The following SLAMF6 variants were observed in gnomAD, a reference collection of about 807,000 sequenced individuals.
SLAMF6 encodes SLAM family member 6, also known as NK-T-B-antigen.
Under a neutral mutation model 38.3 loss-of-function variants are expected in SLAMF6, and 21 were observed. That is an observed-to-expected ratio of 0.55 (90% confidence interval 0.39 to 0.79). The LOEUF is 0.79. Ranked by LOEUF, SLAMF6 falls within the 30% of genes least tolerant of loss-of-function variation. The probability of loss-of-function intolerance (pLI) is 0.00; values close to 1 mark genes in which losing one functional copy is unlikely to be tolerated. For missense variants in SLAMF6, 341 were observed against 385.3 expected (o/e 0.89, Z 0.96); for synonymous variants, 152 against 146.3 (o/e 1.04, Z -0.28).
At chr1:160,486,843 A>G in intron 7 of SLAMF6, 89 bp from the exon 8 acceptor site, 1 of 1,430,892 alleles carries the variant, frequency 7.0e-7, no homozygotes, top group Non-Finnish European at 9.8e-7. Context: ...ACTGGAGACT[A>G]CAGAGAGGCA....
intron 3 of SLAMF6, 69 bp downstream of exon 3, chr1:160,491,056 A>T (rs904284875): frequency 6.3e-7 from 1 of 1,575,764 alleles, no homozygotes; most frequent in Non-Finnish European, 8.6e-7. Flanking sequence ...ATTGGAAATT[A>T]CGTAGGATGT....
chr1:160,490,719 AC>A, intron 3 of SLAMF6, 34 bp from the exon 4 acceptor site: 2 of 1,606,402 alleles, frequency 1.2e-6, no homozygotes, highest in Non-Finnish European at 1.7e-6. Flanking sequence ...CATTTGAGAC[AC>A]ATCAAGTGAG....
At chr1:160,490,357 G>A in intron 4 of SLAMF6, 121 bp from the exon 5 acceptor site, 1 of 1,491,590 alleles carries the variant, frequency 6.7e-7, no homozygotes, top group African/African-American at 1.4e-5. Context: ...AAGCAGCCCT[G>A]AGACAGGGTC....
intron 1 of SLAMF6, among the ~76,000 whole-genome samples, chr1:160,515,477 A>G (rs1462944233): frequency 1.3e-5 from 2 of 152,196 alleles, no homozygotes; most frequent in African/African-American, 4.8e-5. Flanking sequence ...AAACAATTGA[A>G]AAGGAGGGAC....
intron 1 of SLAMF6, among the ~76,000 whole-genome samples, chr1:160,517,897 T>C (rs1365611868): frequency 6.6e-6 from 1 of 151,990 alleles, no homozygotes; most frequent in African/African-American, 2.4e-5. Flanking sequence ...AAATAGATAA[T>C]GCATGCTGGG....
At chr1:160,518,110 T>TAA (rs111767017) in intron 1 of SLAMF6, among the ~76,000 whole-genome samples, 3 of 145,506 alleles carry the variant, frequency 2.1e-5, no homozygotes, top group African/African-American at 7.5e-5. Flanking sequence ...CTTCAGGTGT[T>TAA]AAAAAAAAAA....
intron 1 of SLAMF6, among the ~76,000 whole-genome samples, chr1:160,503,538 A>T (rs1190732787): frequency 6.6e-6 from 1 of 152,152 alleles, no homozygotes; most frequent in African/African-American, 2.4e-5. Flanking sequence ...AGCAATAGGC[A>T]TAGTATAGGT....
chr1:160,506,610 A>G (rs1654200738), intron 1 of SLAMF6, among the ~76,000 whole-genome samples: 1 of 152,206 alleles, frequency 6.6e-6, no homozygotes, highest in South Asian at 2.1e-4. Context: ...ATCTGACTGC[A>G]TAGATTAATA....
In SLAMF6 at chr1:160,501,279, C is replaced by G. The variant is rs148097437; in HGVS notation, c.50-4886G>C. Among the ~76,000 whole-genome samples, 676 of 152,208 alleles carry G rather than the reference C, an allele frequency of 4.4e-3. 4 individuals carry two copies. The highest frequency in any genetic ancestry group is 0.015 in the African/African-American group (618 of 41,536). Reference sequence around the variant, plus strand: ...CTGGGTCCATCATCTGATAGAGGAGCCTGACAGGTAAATGAGTAGTTAGTT... The same window carrying G: ...CTGGGTCCATCATCTGATAGAGGAGGCTGACAGGTAAATGAGTAGTTAGTT... On this transcript the variant is annotated intron_variant, in intron 1 of 7. Transcript: ENST00000368057.
chr1:160,503,418 A>G (rs1417758593), intron 1 of SLAMF6, among the ~76,000 whole-genome samples: 1 of 151,824 alleles, frequency 6.6e-6, no homozygotes, highest in Non-Finnish European at 1.5e-5. Flanking sequence ...CATTACCTTC[A>G]ATGGGAAAAT....
intron 6 of SLAMF6, among the ~76,000 whole-genome samples, chr1:160,487,384 G>A (rs1440545345): frequency 6.6e-6 from 1 of 152,218 alleles, no homozygotes; most frequent in Non-Finnish European, 1.5e-5. Flanking sequence ...AAACAGAACA[G>A]CAACACTGCA....
Position 160,499,083 on chromosome 1 carries a change from A to G in SLAMF6, c.50-2690T>C, listed in dbSNP as rs181925210. ...TAGTTTACTTAGGTTCCACTTGTCA[A>G]TTTTCGTTTTTGTTGCAATTGCTTT... On this transcript the variant is annotated intron_variant, in intron 1 of 7. Coordinates refer to ENST00000368057, the MANE Select transcript of SLAMF6 (RefSeq NM_001184714.2). Among the ~76,000 whole-genome samples the G allele has an allele frequency of 6.3e-3, 965 of 152,062 alleles. 11 individuals carry two copies. Among genetic ancestry groups the G allele is most frequent in the African/African-American group, 0.022 (909 of 41,444 alleles).
chr1:160,502,084 G>A (rs555792860), intron 1 of SLAMF6, among the ~76,000 whole-genome samples: 3 of 152,294 alleles, frequency 2.0e-5, no homozygotes, highest in Admixed American at 2.0e-4. Context: ...TGGCCCAGAG[G>A]GCACATGGAG....
chr1:160,485,979 A>C lies in SLAMF6; in HGVS notation c.*728T>G, dbSNP rs993860476. On this transcript the variant is annotated 3_prime_UTR_variant, in exon 8 of 8. Coordinates refer to ENST00000368057, the MANE Select transcript of SLAMF6 (RefSeq NM_001184714.2). ...TTCAGTCTGGGAGACTAAGGCTCCAAAAGGTTAGGCAGTATGTCCCAGGAG... is the reference window on the plus strand; with the variant it reads ...TTCAGTCTGGGAGACTAAGGCTCCACAAGGTTAGGCAGTATGTCCCAGGAG... 1 of 152,602 alleles carries C rather than the reference A, an allele frequency of 6.6e-6. No individual in the cohort carries two copies. Among genetic ancestry groups the C allele is most frequent in the Non-Finnish European group, 1.5e-5 (1 of 68,036 alleles). 9.5% of individuals were successfully genotyped at this position (152,602 alleles called of 1,614,324 possible).
intron 1 of SLAMF6, among the ~76,000 whole-genome samples, chr1:160,497,084 TGTC>T (rs1653624207): frequency 6.6e-6 from 1 of 152,208 alleles, no homozygotes; most frequent in Admixed American, 6.5e-5. Context: ...GACTTTGTGC[TGTC>T]TTCATGATAC....
chr1:160,506,136 T>C (rs537968910), intron 1 of SLAMF6, among the ~76,000 whole-genome samples: 204 of 152,240 alleles, frequency 1.3e-3, no homozygotes, highest in African/African-American at 4.6e-3. Flanking sequence ...CCAAACTTTA[T>C]AGAAGACATG....
intron 1 of SLAMF6, among the ~76,000 whole-genome samples, chr1:160,504,594 A>G (rs1291126832): frequency 1.3e-5 from 2 of 152,180 alleles, no homozygotes; most frequent in African/African-American, 2.4e-5. Context: ...GATGCTCCCT[A>G]AAAAACTGAG....
chr1:160,501,817 T>C (rs901692871), intron 1 of SLAMF6, among the ~76,000 whole-genome samples: 1 of 151,948 alleles, frequency 6.6e-6, no homozygotes, highest in Non-Finnish European at 1.5e-5. Flanking sequence ...TTGCCTCTTA[T>C]ATTTATGGGG....
chr1:160,508,403 T>C (rs1235752324), intron 1 of SLAMF6, among the ~76,000 whole-genome samples: 1 of 152,112 alleles, frequency 6.6e-6, no homozygotes, highest in East Asian at 1.9e-4. Flanking sequence ...AAACAAGAAA[T>C]GGAGAAAGGA....
Sources: gnomAD v4.1 joint callset for allele counts (sites outside exome capture counted in the v4.1 genomes callset) on GRCh38, gnomAD v4.1.1 for gene constraint, MANE v1.5 for transcripts, NCBI Gene and HGNC (gene_info 2026-07-23, HGNC 2026-07-21) for gene names.